The following TGS1 variants were observed in gnomAD, a reference collection of about 807,000 sequenced individuals.
The protein encoded by TGS1 is trimethylguanosine synthase.
Under a neutral mutation model 92.2 loss-of-function variants are expected in TGS1, and 69 were observed. The ratio of observed to expected loss-of-function variants is 0.75; its 90% CI spans 0.62 to 0.91. TGS1 has a LOEUF of 0.91. Among genes scored for constraint, TGS1 ranks in the 40% least tolerant of loss-of-function variants. The pLI, the probability that TGS1 is intolerant of heterozygous loss-of-function variation, is 0.00. For synonymous variants in TGS1, 345 were observed against 338.1 expected (o/e 1.02, Z -0.22); for missense variants, 1,062 against 1,001.2 (o/e 1.06, Z -0.82).
intron 12 of TGS1, among the ~76,000 whole-genome samples, chr8:55,816,647 A>G (rs183113836): frequency 0.011 from 1,712 of 152,222 alleles, 19 homozygotes; most frequent in Non-Finnish European, 0.018. Context: ...TAAAAAATGA[A>G]CTGTATCATG....
chr8:55,773,556 G>A lies in TGS1; in HGVS notation c.-63G>A. On this transcript the variant is annotated 5_prime_UTR_variant, in exon 1 of 13. Transcript: ENST00000260129. ...GGCCTGTTTTAAGTCTCCAGTAACC[G>A]AGCGGAGGCCCGGCAGGCGCGACCC... 1 of 1,332,506 alleles carries A rather than the reference G, an allele frequency of 7.5e-7. No individual in the cohort carries two copies. The highest frequency in any genetic ancestry group is 1.2e-5 in the South Asian group (1 of 81,434). 82.5% of individuals were successfully genotyped at this position (1,332,506 alleles called of 1,614,324 possible). A position where few individuals can be genotyped will look rare whatever the true frequency, so the allele number is the denominator to read the frequency against.
chr8:55,804,135 G>A (rs930571688), intron 9 of TGS1, among the ~76,000 whole-genome samples: 2 of 151,842 alleles, frequency 1.3e-5, no homozygotes, highest in African/African-American at 2.4e-5. Flanking sequence ...TGCTTTTTCC[G>A]ACCCTTTAAA....
In TGS1 at chr8:55,787,025, C is replaced by T. The variant is rs755915533; in HGVS notation, c.1127C>T (p.Ser376Leu). The change falls in exon 4 of 13, where the codon TCA (serine) becomes TTA (leucine). Residue 376 changes from serine (S) to leucine (L), a missense_variant. Transcript: ENST00000260129. The part of the protein sequence containing the change: ...RNGGTNEESN[S>L]SGNTNTDPPA... ...GGAGGAACCAATGAGGAAAGCAACT[C>T]ATCGGGGAATACAAACACAGACCCA... 8.7e-6 allele frequency: 14 copies of T among 1,613,600 alleles called. No homozygotes were observed. In the East Asian group the frequency reaches 8.9e-5, roughly 10 times the overall value.
intron 11 of TGS1, among the ~76,000 whole-genome samples, chr8:55,811,853 A>G (rs1803349398): frequency 1.3e-5 from 2 of 152,222 alleles, no homozygotes; most frequent in Non-Finnish European, 2.9e-5. Context: ...AAAAGCAGGT[A>G]TGTAAAAATT....
Position 55,803,414 on chromosome 8 carries a change from T to C in TGS1, c.1999+808T>C, listed in dbSNP as rs114476245. Among the ~76,000 whole-genome samples the C allele has an allele frequency of 5.8e-3, 877 of 152,318 alleles. 5 individuals carry two copies. Among genetic ancestry groups the C allele is most frequent in the African/African-American group, 0.02 (836 of 41,574 alleles). ...TACCTAAATATTGGTTTTTATTAAC[T>C]ATCAAAATCAGAAGTTCTTGATCTA... On this transcript the variant is annotated intron_variant, in intron 9 of 12. Transcript: ENST00000260129.
intron 8 of TGS1, among the ~76,000 whole-genome samples, chr8:55,802,193 C>CTAAA (rs945010666): frequency 8.5e-5 from 13 of 152,146 alleles, no homozygotes; most frequent in South Asian, 6.2e-4. Flanking sequence ...GACTTCGTCT[C>CTAAA]TAAATAAATA....
Position 55,826,137 on chromosome 8 carries a change from A to C in TGS1, c.*1434A>C, listed in dbSNP as rs372752437. ...AGTTCTGGGATTACAGGCGTGAGCC[A>C]CCGCGCCTGGCTTTATGTAGCATTC... On this transcript the variant is annotated 3_prime_UTR_variant, in exon 13 of 13. Coordinates refer to ENST00000260129, the MANE Select transcript of TGS1 (RefSeq NM_024831.8). Among the ~76,000 whole-genome samples the C allele has an allele frequency of 6.6e-6, 1 of 152,232 alleles. No homozygotes were observed. The highest frequency in any genetic ancestry group is 1.5e-5 in the Non-Finnish European group (1 of 68,014).
chr8:55,777,608 C>T (rs747440839), intron 1 of TGS1, among the ~76,000 whole-genome samples: 4 of 151,746 alleles, frequency 2.6e-5, no homozygotes, highest in Non-Finnish European at 4.4e-5. Flanking sequence ...GGCATGATCT[C>T]GGCTCACTGC....
rs140261631 is a variant in TGS1, at chr8:55,799,799, C to T, written c.1849+579C>T. Reference sequence around the variant, plus strand: ...TCACTATATTGCTGAGGCTGGTTGCCAAAGGCTCAAGCAGTCCTCCCACCT... The same window carrying T: ...TCACTATATTGCTGAGGCTGGTTGCTAAAGGCTCAAGCAGTCCTCCCACCT... On this transcript the variant is annotated intron_variant, in intron 8 of 12. Coordinates refer to ENST00000260129, the MANE Select transcript of TGS1 (RefSeq NM_024831.8). 3.3e-3 allele frequency among the ~76,000 whole-genome samples: 509 copies of T among 152,194 alleles called. 1 individual carries two copies. The highest frequency in any genetic ancestry group is 5.5e-3 in the Non-Finnish European group (377 of 67,996).
Position 55,773,734 on chromosome 8 carries a change from G to A in TGS1, c.101+15G>A. The A allele has an allele frequency of 6.3e-7, 1 of 1,590,454 alleles. No individual in the cohort carries two copies. The highest frequency in any genetic ancestry group is 1.7e-4 in the Middle Eastern group (1 of 6,032). The stretch of plus-strand genomic sequence containing the variant: ...GCATTTGTGGAGTAAGTAGAAAAGA[G>A]AATCTCTTCATGTTCTAGCACAGTC... On this transcript the variant is annotated intron_variant, in intron 1 of 12. Transcript: ENST00000260129.
chr8:55,811,171 GAGTGTGGGT>G, intron 11 of TGS1, 74 bp downstream of exon 11: 1 of 432,518 alleles, frequency 2.3e-6, no homozygotes, highest in Non-Finnish European at 4.3e-6. Flanking sequence ...GTGAGAGAGG[GAGTGTGGGT>G]GGGTGGGCAG....
chr8:55,795,197 A>G (rs932487672), intron 6 of TGS1, among the ~76,000 whole-genome samples: 2 of 152,240 alleles, frequency 1.3e-5, no homozygotes, highest in Admixed American at 6.5e-5. Flanking sequence ...ATACACTTGT[A>G]GAAATCTATT....
intron 12 of TGS1, among the ~76,000 whole-genome samples, chr8:55,814,296 TTC>T (rs991519377): frequency 2.0e-5 from 3 of 152,164 alleles, no homozygotes; most frequent in Admixed American, 6.6e-5. Flanking sequence ...CTGGGAAAGA[TTC>T]TCTGTTTTCT....
At chr8:55,778,928 A>G (rs1367890302) in intron 1 of TGS1, among the ~76,000 whole-genome samples, 2 of 152,348 alleles carry the variant, frequency 1.3e-5, no homozygotes, top group East Asian at 3.9e-4. Context: ...TGCTATATTC[A>G]GAGGTATGAG....
intron 7 of TGS1, among the ~76,000 whole-genome samples, chr8:55,797,196 G>A (rs1469766747): frequency 6.6e-6 from 1 of 152,122 alleles, no homozygotes; most frequent in Non-Finnish European, 1.5e-5. Context: ...AAATTATGGT[G>A]GAAAGGGAAG....
chr8:55,818,965 G>A (rs1041546879), intron 12 of TGS1, among the ~76,000 whole-genome samples: 6 of 152,090 alleles, frequency 3.9e-5, no homozygotes, highest in Admixed American at 2.6e-4. Context: ...CTTCTTTGGA[G>A]ACAGAGCCTC....
At chr8:55,807,080 C>G (rs1336887286) in intron 10 of TGS1, among the ~76,000 whole-genome samples, 1 of 151,926 alleles carries the variant, frequency 6.6e-6, no homozygotes, top group Non-Finnish European at 1.5e-5. Flanking sequence ...AGGCGCCCAC[C>G]ACCACACCCA....
chr8:55,810,322 T>C (rs1399724200), intron 10 of TGS1, among the ~76,000 whole-genome samples: 13 of 152,202 alleles, frequency 8.5e-5, no homozygotes, highest in Non-Finnish European at 1.9e-4. Context: ...AAACATAATA[T>C]CTGTTTCCTC....
At chr8:55,787,087 C>T (rs1979131) in intron 4 of TGS1, 27 bp downstream of exon 4, 6 of 1,528,018 alleles carry the variant, frequency 3.9e-6, no homozygotes, top group Non-Finnish European at 5.3e-6. Flanking sequence ...TTTATTCTGC[C>T]ATGTAATGGT....
Sources: allele counts gnomAD v4.1 joint callset (sites outside exome capture counted in the v4.1 genomes callset), GRCh38; gene constraint gnomAD v4.1.1; transcripts MANE v1.5; gene names NCBI Gene and HGNC (gene_info 2026-07-23, HGNC 2026-07-21).